Variants in CDK14 observed in about 807,000 individuals in gnomAD.
CDK14 encodes the protein cyclin-dependent kinase 14.
Under a neutral mutation model 60.7 loss-of-function variants are expected in CDK14, and 34 were observed. The observed-to-expected ratio is 0.56, with a 90% CI of 0.43 to 0.75. The LOEUF is 0.75. CDK14 is among the 30% of genes least tolerant of loss of function. The pLI is 0.00. For missense variants in CDK14, 482 were observed against 564.1 expected (o/e 0.85, Z 1.47); for synonymous variants, 197 against 203.7 (o/e 0.97, Z 0.28).
At chr7:90,796,000 T>C (rs1488186061) in intron 5 of CDK14, among the ~76,000 whole-genome samples, 1 of 152,194 alleles carries the variant, frequency 6.6e-6, no homozygotes, top group African/African-American at 2.4e-5. Context: ...GGCAAGCTCC[T>C]GAGGCACATT....
At chr7:90,627,582 C>T (rs1799903699) in intron 2 of CDK14, among the ~76,000 whole-genome samples, 1 of 152,156 alleles carries the variant, frequency 6.6e-6, no homozygotes, top group South Asian at 2.1e-4. Context: ...AATTATTTTC[C>T]CATCAAAGTG....
At chr7:91,010,163 T>C (rs1796108480) in intron 10 of CDK14, among the ~76,000 whole-genome samples, 1 of 151,616 alleles carries the variant, frequency 6.6e-6, no homozygotes, top group Non-Finnish European at 1.5e-5. Context: ...TTGATTACCG[T>C]GGCTCTATAA....
rs183269426 is a variant in CDK14 at position 90,906,031 on chromosome 7, G to A, written c.702+6678G>A. ...CCAGAGTTGCTTTAGGATATGAACTGCAGGTGAAATTATTCTCAAAAAATT... is the reference window on the plus strand; with the variant it reads ...CCAGAGTTGCTTTAGGATATGAACTACAGGTGAAATTATTCTCAAAAAATT... On this transcript the variant is annotated intron_variant, in intron 7 of 14. Transcript: ENST00000380050. 2.4e-3 allele frequency among the ~76,000 whole-genome samples: 367 copies of A among 152,244 alleles called. 1 individual carries two copies. The highest frequency in any genetic ancestry group is 4.4e-3 in the Non-Finnish European group (297 of 67,994).
chr7:90,744,552 G>A (rs543782216), intron 3 of CDK14, among the ~76,000 whole-genome samples: 11 of 152,198 alleles, frequency 7.2e-5, no homozygotes, highest in African/African-American at 1.9e-4. Context: ...GGTCATGGCC[G>A]GGCAGAGGGG....
At chr7:90,841,215 G>A (rs933168723) in intron 5 of CDK14, among the ~76,000 whole-genome samples, 1 of 152,062 alleles carries the variant, frequency 6.6e-6, no homozygotes, top group Non-Finnish European at 1.5e-5. Flanking sequence ...ACTATTCTAT[G>A]TCTTATTGTA....
chr7:90,861,365 A>C (rs1791003568), intron 5 of CDK14, among the ~76,000 whole-genome samples: 1 of 152,228 alleles, frequency 6.6e-6, no homozygotes, highest in South Asian at 2.1e-4. Flanking sequence ...CTTCAAGAGC[A>C]TTAAGAGACA....
intron 10 of CDK14, among the ~76,000 whole-genome samples, chr7:91,017,726 C>A (rs1446265394): frequency 1.3e-5 from 2 of 152,176 alleles, no homozygotes; most frequent in African/African-American, 4.8e-5. Flanking sequence ...GCTCTGCCTT[C>A]ACATAACTCT....
intron 14 of CDK14, among the ~76,000 whole-genome samples, chr7:91,156,296 T>G (rs1041754313): frequency 2.0e-4 from 30 of 152,306 alleles, no homozygotes; most frequent in African/African-American, 6.7e-4. Context: ...TTCCCCAAAA[T>G]ATGTGGTTGG....
At chr7:91,082,843 T>A (rs997889422) in intron 12 of CDK14, among the ~76,000 whole-genome samples, 1 of 152,210 alleles carries the variant, frequency 6.6e-6, no homozygotes, top group African/African-American at 2.4e-5. Context: ...TCTATTGTAT[T>A]TTTCTTGTCA....
chr7:90,679,040 C>T (rs1044402375), intron 2 of CDK14, among the ~76,000 whole-genome samples: 2 of 152,124 alleles, frequency 1.3e-5, no homozygotes, highest in Non-Finnish European at 2.9e-5. Context: ...GCCTCAGTCT[C>T]CCAGGCTCAA....
intron 10 of CDK14, among the ~76,000 whole-genome samples, chr7:90,989,038 A>G (rs1243834536): frequency 6.7e-6 from 1 of 149,134 alleles, no homozygotes; most frequent in East Asian, 2.0e-4. Context: ...AATGAGCCAC[A>G]TGCAACTTTG....
In CDK14 at chr7:90,697,295, CA is replaced by C. The variant is rs147772330; in HGVS notation, c.124-29271del. 9.9e-3 allele frequency among the ~76,000 whole-genome samples: 1,506 copies of C among 152,212 alleles called. 25 individuals carry two copies. The highest frequency in any genetic ancestry group is 0.033 in the African/African-American group (1,381 of 41,526). Reference sequence around the variant, plus strand: ...AGGAAATTCTTAGCTTTAATATCTACAGTCGCTATAACATGAGAAAATTGTC... The same window carrying C: ...AGGAAATTCTTAGCTTTAATATCTACGTCGCTATAACATGAGAAAATTGTC... On this transcript the variant is annotated intron_variant, in intron 2 of 14. Transcript: ENST00000380050.
chr7:90,894,128 A>T (rs899081157), intron 6 of CDK14, among the ~76,000 whole-genome samples: 26 of 152,318 alleles, frequency 1.7e-4, no homozygotes, highest in Middle Eastern at 3.4e-3. Flanking sequence ...ATCATGAATC[A>T]TCATCACCTA....
intron 5 of CDK14, among the ~76,000 whole-genome samples, chr7:90,791,736 T>G (rs1419074999): frequency 1.3e-5 from 2 of 152,184 alleles, no homozygotes; most frequent in Non-Finnish European, 2.9e-5. Context: ...ACTTGCTTCT[T>G]GTCAAGTCAA....
chr7:90,941,450 TG>T (rs1187749002), intron 8 of CDK14, among the ~76,000 whole-genome samples: 2 of 152,002 alleles, frequency 1.3e-5, no homozygotes, highest in Non-Finnish European at 2.9e-5. Flanking sequence ...TTGTTTAGTT[TG>T]TTTGTCTGTC....
intron 14 of CDK14, among the ~76,000 whole-genome samples, chr7:91,130,339 A>G (rs1157692469): frequency 2.0e-5 from 3 of 152,178 alleles, no homozygotes; most frequent in Admixed American, 2.0e-4. Flanking sequence ...GTTAACATGT[A>G]ATGAGTTCTC....
At chr7:91,104,957 A>G (rs538067633) in intron 12 of CDK14, among the ~76,000 whole-genome samples, 1 of 152,192 alleles carries the variant, frequency 6.6e-6, no homozygotes, top group East Asian at 1.9e-4. Flanking sequence ...ATAAGCATAG[A>G]TGATTTTATA....
rs34650830 is a variant in CDK14, at chr7:91,070,269, CTGGTGG to C, written c.1106-9143_1106-9138del. On this transcript the variant is annotated intron_variant, in intron 11 of 14. Coordinates refer to ENST00000380050, the MANE Select transcript of CDK14 (RefSeq NM_001287135.2). Reference sequence around the variant, plus strand: ...GTTGTTGCTGCTGCTGCTGCTGCTGCTGGTGGTGGTGGTGGTGGTGGTGGTAGTGAT... The same window carrying C: ...GTTGTTGCTGCTGCTGCTGCTGCTGCTGGTGGTGGTGGTGGTGGTAGTGAT... Among the ~76,000 whole-genome samples, 22 of 149,940 alleles carry C rather than the reference CTGGTGG, an allele frequency of 1.5e-4. No individual in the cohort carries two copies. The South Asian group carries it at 2.7e-3, about 19-fold the overall frequency.
intron 3 of CDK14, among the ~76,000 whole-genome samples, chr7:90,729,409 TGTG>T (rs1802775015): frequency 7.3e-6 from 1 of 136,980 alleles, no homozygotes; most frequent in Non-Finnish European, 1.5e-5. Context: ...CTCAACCATT[TGTG>T]TCCTGTCTTT....
Sources: gnomAD v4.1 joint callset for allele counts (sites outside exome capture counted in the v4.1 genomes callset) on GRCh38, gnomAD v4.1.1 for gene constraint, MANE v1.5 for transcripts, NCBI Gene and HGNC (gene_info 2026-07-23, HGNC 2026-07-21) for gene names.